Variants in RIN2 observed in about 807,000 individuals in gnomAD.
The protein encoded by RIN2 is Ras and Rab interactor 2, also known as RAB5 interacting protein 2.
In RIN2, 36 loss-of-function variants were observed where a neutral mutation model predicts 78.0. The observed-to-expected ratio is 0.46, with a 90% CI of 0.35 to 0.61. RIN2 has a LOEUF of 0.61. RIN2 is among the 20% of genes least tolerant of loss of function. RIN2 has a pLI of 0.00. For synonymous variants in RIN2, 466 were observed against 466.8 expected (o/e 1.00, Z 0.02); for missense variants, 1,087 against 1,159.7 (o/e 0.94, Z 0.91).
intron 8 of RIN2, among the ~76,000 whole-genome samples, 166 bp from the exon 9 acceptor site, chr20:19,974,488 T>G (rs1288036828): frequency 6.6e-6 from 1 of 152,170 alleles, no homozygotes; most frequent in Admixed American, 6.5e-5. Flanking sequence ...CCTGGCAGCC[T>G]TTCTGCCCTT....
At chr20:19,906,669 C>G (rs1358383703) in intron 3 of RIN2, among the ~76,000 whole-genome samples, 1 of 152,146 alleles carries the variant, frequency 6.6e-6, no homozygotes. Flanking sequence ...GGCAGCATCA[C>G]CATCGTGGTC....
At chr20:19,783,110 C>T (rs1352483878) in intron 1 of RIN2, among the ~76,000 whole-genome samples, 1 of 152,232 alleles carries the variant, frequency 6.6e-6, no homozygotes, top group African/African-American at 2.4e-5. Context: ...CTATAAATCC[C>T]AGCTCTCGCT....
chr20:19,917,642 C>T (rs911689454), intron 3 of RIN2, among the ~76,000 whole-genome samples: 1 of 152,208 alleles, frequency 6.6e-6, no homozygotes, highest in Non-Finnish European at 1.5e-5. Flanking sequence ...ACAACTATTA[C>T]TTAAGTGAGC....
chr20:19,883,475 G>T (rs1471111680), intron 2 of RIN2, among the ~76,000 whole-genome samples: 4 of 151,836 alleles, frequency 2.6e-5, no homozygotes, highest in African/African-American at 7.3e-5. Context: ...AAGTAGCTGG[G>T]ACCCTAGGCA....
chr20:19,820,890 C>G (rs1383899974), intron 2 of RIN2, among the ~76,000 whole-genome samples: 2 of 152,316 alleles, frequency 1.3e-5, no homozygotes, highest in East Asian at 3.9e-4. Flanking sequence ...TTGCTGACTT[C>G]CATGCGGTAT....
At chr20:19,786,721 AGT>A (rs969459607) in intron 1 of RIN2, among the ~76,000 whole-genome samples, 85 of 152,070 alleles carry the variant, frequency 5.6e-4, no homozygotes, top group African/African-American at 2.0e-3. Flanking sequence ...TTCTAGGGAA[AGT>A]GTAGTGACTA....
At chr20:19,802,775 G>A (rs1477073849) in intron 2 of RIN2, among the ~76,000 whole-genome samples, 1 of 152,072 alleles carries the variant, frequency 6.6e-6, no homozygotes, top group Non-Finnish European at 1.5e-5. Context: ...CTATTTCATG[G>A]TACACCAAGG....
intron 2 of RIN2, among the ~76,000 whole-genome samples, chr20:19,842,204 CTTTGTTTTTTTTG>C (rs958959843): frequency 2.0e-5 from 2 of 102,400 alleles, no homozygotes; most frequent in Admixed American, 2.3e-4. Context: ...TTTTTTGTTT[CTTTGTTTTTTTTG>C]TTTGTTTGTT....
rs1373132499 is a variant in RIN2 at position 20,002,132 on chromosome 20, A to G, written c.*1196A>G. 6.6e-6 allele frequency: 1 copy of G among 151,742 alleles called. No homozygotes were observed. The highest frequency in any genetic ancestry group is 1.5e-5 in the Non-Finnish European group (1 of 67,660). The allele number at this position is 151,742 out of a possible 1,614,324, so 9.4% of individuals were successfully genotyped here. On this transcript the variant is annotated 3_prime_UTR_variant, in exon 13 of 13. Coordinates refer to ENST00000255006, the MANE Select transcript of RIN2 (RefSeq NM_018993.4). The stretch of plus-strand genomic sequence containing the variant: ...AGAAGAATTTGAAAATGCACAAAAA[A>G]ATCAATCTACATTATCAGAACCTGC...
At chr20:19,878,942 C>T (rs1402172438) in intron 2 of RIN2, among the ~76,000 whole-genome samples, 1 of 152,194 alleles carries the variant, frequency 6.6e-6, no homozygotes, top group Non-Finnish European at 1.5e-5. Flanking sequence ...CACACCTGCC[C>T]TGTCTGGCCC....
intron 10 of RIN2, among the ~76,000 whole-genome samples, chr20:19,990,538 A>C (rs1214060836): frequency 6.6e-6 from 1 of 152,160 alleles, no homozygotes; most frequent in Non-Finnish European, 1.5e-5. Context: ...TACCAGGCCG[A>C]TTTAATTAAA....
At chr20:19,922,377 C>T (rs1383213132) in intron 3 of RIN2, among the ~76,000 whole-genome samples, 1 of 152,148 alleles carries the variant, frequency 6.6e-6, no homozygotes, top group Non-Finnish European at 1.5e-5. Flanking sequence ...TTGTCCTGAC[C>T]ACTCTTTCTC....
At chr20:19,863,791 G>C (rs1295747958) in intron 2 of RIN2, among the ~76,000 whole-genome samples, 1 of 152,156 alleles carries the variant, frequency 6.6e-6, no homozygotes, top group Non-Finnish European at 1.5e-5. Context: ...CAGAATGGTT[G>C]TTTCTGCTGT....
intron 1 of RIN2, among the ~76,000 whole-genome samples, chr20:19,760,443 C>T (rs763736815): frequency 4.0e-5 from 6 of 151,706 alleles, no homozygotes; most frequent in Non-Finnish European, 5.9e-5. Flanking sequence ...AGCTTGACTC[C>T]CAGGATGGCT....
chr20:19,923,472 ATAAAATAAAATAAAAT>A (rs2040015876), intron 3 of RIN2, among the ~76,000 whole-genome samples: 1 of 143,614 alleles, frequency 7.0e-6, no homozygotes, highest in African/African-American at 2.6e-5. Context: ...AATAAAATAA[ATAAAATAAAATAAAAT>A]AAATATTGGC....
intron 2 of RIN2, among the ~76,000 whole-genome samples, chr20:19,843,936 A>G (rs187440830): frequency 3.8e-4 from 58 of 152,346 alleles, no homozygotes; most frequent in Admixed American, 1.5e-3. Flanking sequence ...AAAACATGCA[A>G]TTCTTTGACT....
Position 19,960,756 on chromosome 20 carries a change from G to T in RIN2, c.408G>T (p.Leu136=). Reference sequence around the variant, plus strand: ...AGAAGAAAGTCCTCTCCCTCCGCCTGCCCTGTGAATTTGGGGCCCCACTCA... The same window carrying T: ...AGAAGAAAGTCCTCTCCCTCCGCCTTCCCTGTGAATTTGGGGCCCCACTCA... ...KMQKKVLSLR[L]PCEFGAPLKE... The change falls in exon 6 of 13, where the codon CTG becomes CTT. Residue 136 remains leucine (L), a synonymous_variant. Transcript: ENST00000255006. 1 of 1,605,448 alleles carries T rather than the reference G, an allele frequency of 6.2e-7. No homozygotes were observed. The highest frequency in any genetic ancestry group is 2.2e-5 in the East Asian group (1 of 44,664).
intron 2 of RIN2, among the ~76,000 whole-genome samples, chr20:19,837,169 A>AACACACACACAC (rs142399537): frequency 2.4e-4 from 33 of 140,210 alleles, no homozygotes; most frequent in African/African-American, 5.9e-4. Context: ...CGCCCCCCCC[A>AACACACACACAC]ACACACACAC....
intron 2 of RIN2, among the ~76,000 whole-genome samples, chr20:19,850,477 T>C (rs1256806154): frequency 1.3e-5 from 2 of 152,206 alleles, no homozygotes; most frequent in Non-Finnish European, 2.9e-5. Context: ...ACAAACCACT[T>C]GGCCACTATT....
Sources: allele counts gnomAD v4.1 joint callset (sites outside exome capture counted in the v4.1 genomes callset), GRCh38; gene constraint gnomAD v4.1.1; transcripts MANE v1.5; gene names NCBI Gene and HGNC (gene_info 2026-07-23, HGNC 2026-07-21).